SEPTIN7: variants seen among roughly 807,000 people sequenced by gnomAD.
SEPTIN7 encodes the protein septin 7.
In SEPTIN7, 10 loss-of-function variants were observed where a neutral mutation model predicts 63.3. The ratio of observed to expected loss-of-function variants is 0.16; its 90% confidence interval spans 0.10 to 0.27. The LOEUF (loss-of-function observed/expected upper bound fraction) is 0.27, where lower values mean the gene tolerates loss of function less well. Ranked by LOEUF, SEPTIN7 falls within the 10% of genes least tolerant of loss-of-function variation. The pLI is 1.00. For synonymous variants in SEPTIN7, 131 were observed against 165.3 expected (o/e 0.79, Z 1.59); for missense variants, 310 against 521.0 (o/e 0.59, Z 3.94).
intron 6 of SEPTIN7, among the ~76,000 whole-genome samples, chr7:35,875,604 A>G (rs1786425607): frequency 6.6e-6 from 1 of 152,176 alleles, no homozygotes; most frequent in South Asian, 2.1e-4. Context: ...GATTTCAGCT[A>G]TTATTGCTTC....
chr7:35,881,942 C>G (rs1786905011), intron 7 of SEPTIN7, among the ~76,000 whole-genome samples: 1 of 151,994 alleles, frequency 6.6e-6, no homozygotes, highest in Non-Finnish European at 1.5e-5. Flanking sequence ...CTTCCCTAAT[C>G]TTACACCTGT....
At chr7:35,888,809 G>A (rs912255341) in intron 10 of SEPTIN7, 1 of 309,470 alleles carries the variant, frequency 3.2e-6, no homozygotes, top group African/African-American at 2.7e-5. Context: ...GGGCAACAGA[G>A]CGAGACCCTG....
intron 1 of SEPTIN7, among the ~76,000 whole-genome samples, chr7:35,811,035 C>G (rs1583486739): frequency 6.6e-6 from 1 of 152,144 alleles, no homozygotes; most frequent in East Asian, 1.9e-4. Context: ...TCCCAAAGTG[C>G]TGGGATTACA....
In SEPTIN7 at chr7:35,834,115, T is replaced by C. The variant is rs192393816; in HGVS notation, c.169+1215T>C. ...AATGCAGAGCATACCTTTTCTTCGG[T>C]AGGTTGGTAACATCATCATTATATG... On this transcript the variant is annotated intron_variant, in intron 3 of 13. Transcript: ENST00000350320. 1.3e-3 allele frequency among the ~76,000 whole-genome samples: 198 copies of C among 152,108 alleles called. 2 individuals are homozygous for C. The highest frequency in any genetic ancestry group is 1.2e-3 in the Admixed American group (19 of 15,254).
chr7:35,912,244 C>T, the SEPTIN7 span, among the ~76,000 whole-genome samples: 52 of 152,294 alleles, frequency 3.4e-4, no homozygotes, highest in South Asian at 3.1e-3. Context: ...GTGGGTTTAC[C>T]GGAATGAAGG....
chr7:35,803,847 G>A (rs1053906146), intron 1 of SEPTIN7, among the ~76,000 whole-genome samples: 4 of 152,146 alleles, frequency 2.6e-5, no homozygotes, highest in Admixed American at 2.6e-4. Context: ...GGTTTAGTTC[G>A]CTATATGAGA....
At chr7:35,821,049 C>T (rs1003004258) in intron 1 of SEPTIN7, among the ~76,000 whole-genome samples, 1 of 145,432 alleles carries the variant, frequency 6.9e-6, no homozygotes, top group Non-Finnish European at 1.5e-5. Context: ...GCTTTGAAAG[C>T]ATTCCATGAT....
chr7:35,833,446 C>T (rs1167887838), intron 3 of SEPTIN7, among the ~76,000 whole-genome samples: 1 of 151,926 alleles, frequency 6.6e-6, no homozygotes, highest in South Asian at 2.1e-4. Context: ...GAACACATTA[C>T]CCTGCCTATA....
intron 3 of SEPTIN7, among the ~76,000 whole-genome samples, chr7:35,846,016 A>G (rs758637515): frequency 6.6e-6 from 1 of 151,986 alleles, no homozygotes; most frequent in Non-Finnish European, 1.5e-5. Context: ...TTTTCTTCCT[A>G]TAAAAACTAG....
intron 6 of SEPTIN7, among the ~76,000 whole-genome samples, chr7:35,877,139 CTT>C (rs987605147): frequency 9.2e-5 from 14 of 151,974 alleles, no homozygotes; most frequent in African/African-American, 3.1e-4. Context: ...TGGATAGGTT[CTT>C]TTAGTTAACA....
chr7:35,849,990 C>G (rs752945399), intron 3 of SEPTIN7, among the ~76,000 whole-genome samples: 1 of 152,190 alleles, frequency 6.6e-6, no homozygotes, highest in Admixed American at 6.5e-5. Flanking sequence ...TCCTTATTTA[C>G]TAGAATTTCT....
chr7:35,902,840 CT>C (rs34683813), intron 12 of SEPTIN7: 227,662 of 330,998 alleles, frequency 0.69, 66,813 homozygotes, highest in Admixed American at 0.78. Flanking sequence ...AAGTTTGTTG[CT>C]TTTTTTTTTT....
intron 3 of SEPTIN7, among the ~76,000 whole-genome samples, chr7:35,840,859 A>G (rs563502765): frequency 6.6e-6 from 1 of 152,364 alleles, no homozygotes; most frequent in South Asian, 2.1e-4. Flanking sequence ...GGAAGTTTAG[A>G]GAAAGGAGAC....
chr7:35,873,473 ATATT>A (rs1486230727), intron 5 of SEPTIN7, among the ~76,000 whole-genome samples, 164 bp from the exon 6 acceptor site: 1 of 152,126 alleles, frequency 6.6e-6, no homozygotes, highest in South Asian at 2.1e-4. Context: ...TGAATAATGA[ATATT>A]TATTCAACAT....
Position 35,858,145 on chromosome 7 carries a change from A to G in SEPTIN7, c.170-5407A>G, listed in dbSNP as rs149447557. 8.9e-3 allele frequency among the ~76,000 whole-genome samples: 1,353 copies of G among 151,750 alleles called. 9 individuals are homozygous for G. Among genetic ancestry groups the G allele is most frequent in the Non-Finnish European group, 0.014 (971 of 67,902 alleles). ...TTTTTAATAGAGACAGGGTTTTGCC[A>G]TGTTGCCCAGGCCTGTCTTGAACTC... On this transcript the variant is annotated intron_variant, in intron 3 of 13. Coordinates refer to ENST00000350320, the MANE Select transcript of SEPTIN7 (RefSeq NM_001788.6).
intron 10 of SEPTIN7, among the ~76,000 whole-genome samples, chr7:35,889,590 G>A (rs778951426): frequency 3.3e-5 from 5 of 152,004 alleles, no homozygotes; most frequent in Non-Finnish European, 5.9e-5. Context: ...ATGTACTCAG[G>A]ATGGAGTGCA....
downstream of SEPTIN7, among the ~76,000 whole-genome samples, chr7:35,908,780 C>G (rs768615044): frequency 6.6e-6 from 1 of 152,154 alleles, no homozygotes; most frequent in East Asian, 1.9e-4. Flanking sequence ...GAGATTTGCA[C>G]GTAAGTAGAG....
intron 1 of SEPTIN7, among the ~76,000 whole-genome samples, chr7:35,817,107 T>C (rs1583497487): frequency 6.6e-6 from 1 of 152,186 alleles, no homozygotes; most frequent in East Asian, 1.9e-4. Flanking sequence ...GTGCTTTTGA[T>C]GTCATAGTCA....
At chr7:35,909,288 A>G (rs1788695238), downstream of SEPTIN7, among the ~76,000 whole-genome samples, 1 of 152,234 alleles carries the variant, frequency 6.6e-6, no homozygotes. Flanking sequence ...ATTGCTGGGC[A>G]GAGGTGCCAG....
Sources: gnomAD v4.1 joint callset for allele counts (sites outside exome capture counted in the v4.1 genomes callset) on GRCh38, gnomAD v4.1.1 for gene constraint, MANE v1.5 for transcripts, NCBI Gene and HGNC (gene_info 2026-07-23, HGNC 2026-07-21) for gene names.